Variants in ACSS3 observed in about 807,000 individuals in gnomAD.
ACSS3 encodes the protein acyl-CoA synthetase short chain family member 3.
ACSS3 carries 64 observed loss-of-function variants against 84.2 expected under a neutral mutation model. The observed-to-expected ratio is 0.76, with a 90% CI of 0.62 to 0.94. ACSS3 has a LOEUF of 0.94. Ranked by LOEUF, ACSS3 falls within the 40% of genes least tolerant of loss-of-function variation. The probability of loss-of-function intolerance (pLI) is 0.00; values close to 1 mark genes in which losing one functional copy is unlikely to be tolerated. For synonymous variants in ACSS3, 317 were observed against 310.1 expected, an observed-to-expected ratio of 1.02 and a Z score of -0.23; for missense variants, 815 against 867.6, an observed-to-expected ratio of 0.94 and a Z score of 0.76.
Position 81,255,140 on chromosome 12 carries a change from CA to C in ACSS3, c.*219del, listed in dbSNP as rs2034260882. 2.4e-6 allele frequency: 1 copy of C among 412,244 alleles called. No individual in the cohort carries two copies. Among genetic ancestry groups the C allele is most frequent in the African/African-American group, 2.1e-5 (1 of 48,288 alleles). The allele number at this position is 412,244 out of a possible 1,614,324, so 25.5% of individuals were successfully genotyped here. ...TAGCATTGTTATTAGTTATCTATAA[CA>C]TGGCTTATTGAATGTCATCTACTGC... is the stretch of plus-strand genomic sequence containing the variant. On this transcript the variant is annotated 3_prime_UTR_variant, in exon 16 of 16. Transcript: ENST00000548058.
chr12:81,217,896 A>G (rs2135944731), intron 10 of ACSS3, among the ~76,000 whole-genome samples: 1 of 152,276 alleles, frequency 6.6e-6, no homozygotes, highest in South Asian at 2.1e-4. Flanking sequence ...GGATCCCAAA[A>G]GAAAACATTT....
chr12:81,177,915 A>G (rs1217703980), intron 8 of ACSS3, among the ~76,000 whole-genome samples: 1 of 152,240 alleles, frequency 6.6e-6, no homozygotes, highest in Non-Finnish European at 1.5e-5. Context: ...GCGATTCCTC[A>G]GGGATCTAGA....
intron 13 of ACSS3, among the ~76,000 whole-genome samples, chr12:81,252,382 G>A (rs1482397659): frequency 2.6e-5 from 4 of 152,064 alleles, no homozygotes; most frequent in Non-Finnish European, 4.4e-5. Flanking sequence ...CCCAGCGAAT[G>A]TTTGCAACAC....
intron 15 of ACSS3, among the ~76,000 whole-genome samples, chr12:81,254,079 T>G (rs2034233510): frequency 6.6e-6 from 1 of 152,038 alleles, no homozygotes; most frequent in Non-Finnish European, 1.5e-5. Context: ...TGCATGCAAC[T>G]GTGCCTGGCT....
At chr12:81,193,378 C>T (rs1284285596) in intron 8 of ACSS3, among the ~76,000 whole-genome samples, 1 of 151,940 alleles carries the variant, frequency 6.6e-6, no homozygotes, top group African/African-American at 2.4e-5. Context: ...GAAAATTCTT[C>T]ATCAGATTTG....
chr12:81,173,341 TTAGAC>T (rs1182129513), intron 7 of ACSS3, among the ~76,000 whole-genome samples: 1 of 152,174 alleles, frequency 6.6e-6, no homozygotes, highest in Non-Finnish European at 1.5e-5. Flanking sequence ...AAATAGTGCT[TTAGAC>T]TAAACAGTTG....
chr12:81,153,048 T>TA (rs11459841), intron 7 of ACSS3, among the ~76,000 whole-genome samples: 30,022 of 151,832 alleles, frequency 0.2, 3,342 homozygotes, highest in East Asian at 0.41. Context: ...ATTGAGATGA[T>TA]AAAAAAAATC....
intron 2 of ACSS3, among the ~76,000 whole-genome samples, chr12:81,134,223 G>T (rs999995060): frequency 3.9e-5 from 6 of 152,118 alleles, no homozygotes; most frequent in African/African-American, 1.4e-4. Flanking sequence ...TACAGCATTT[G>T]CTAGTTCTCT....
At chr12:81,096,148 G>A (rs998829557) in intron 1 of ACSS3, among the ~76,000 whole-genome samples, 15 of 152,242 alleles carry the variant, frequency 9.9e-5, no homozygotes, top group Middle Eastern at 6.8e-3. Context: ...CTGTTTCTGT[G>A]CAACAGTAGT....
chr12:81,101,257 G>A (rs932773628), intron 1 of ACSS3, among the ~76,000 whole-genome samples: 1 of 151,918 alleles, frequency 6.6e-6, no homozygotes, highest in Non-Finnish European at 1.5e-5. Flanking sequence ...GACTATTAAG[G>A]TAATGAGTCA....
intron 3 of ACSS3, among the ~76,000 whole-genome samples, chr12:81,137,321 TCACACACACACACACA>T (rs57701806): frequency 9.2e-5 from 13 of 141,818 alleles, no homozygotes; most frequent in South Asian, 2.3e-4. Flanking sequence ...TTTTCATCCA[TCACACACACACACACA>T]CACACACACA....
intron 13 of ACSS3, among the ~76,000 whole-genome samples, chr12:81,238,482 G>A (rs1288682678): frequency 1.3e-5 from 2 of 151,704 alleles, no homozygotes; most frequent in South Asian, 2.1e-4. Context: ...ATTCACCAAC[G>A]AACCTATCTT....
intron 1 of ACSS3, among the ~76,000 whole-genome samples, chr12:81,103,335 G>A (rs1354202403): frequency 6.6e-6 from 1 of 152,022 alleles, no homozygotes; most frequent in Non-Finnish European, 1.5e-5. Flanking sequence ...TTATAATCTG[G>A]GGAGACAAAC....
At chr12:81,197,211 A>G (rs952812210) in intron 8 of ACSS3, among the ~76,000 whole-genome samples, 1 of 152,186 alleles carries the variant, frequency 6.6e-6, no homozygotes, top group African/African-American at 2.4e-5. Context: ...ATTGCACTTC[A>G]CATATAGACA....
intron 9 of ACSS3, among the ~76,000 whole-genome samples, chr12:81,214,003 CTTTCATCT>C (rs1423972024): frequency 1.1e-5 from 1 of 90,530 alleles, no homozygotes; most frequent in African/African-American, 4.3e-5. Context: ...TTCTTTCTTT[CTTTCATCT>C]GTCTGTCTGT....
At chr12:81,231,720 G>A (rs1452550006) in intron 12 of ACSS3, among the ~76,000 whole-genome samples, 1 of 151,740 alleles carries the variant, frequency 6.6e-6, no homozygotes, top group East Asian at 1.9e-4. Flanking sequence ...ATAACAAAAA[G>A]TGCCTTCCTG....
intron 5 of ACSS3, 53 bp from the exon 6 acceptor site, chr12:81,151,791 G>A: frequency 6.7e-7 from 1 of 1,488,254 alleles, no homozygotes. Context: ...TGAAGATAGA[G>A]AGTGTTTTTA....
intron 7 of ACSS3, among the ~76,000 whole-genome samples, chr12:81,164,700 A>T (rs1887318402): frequency 6.6e-6 from 1 of 152,210 alleles, no homozygotes; most frequent in African/African-American, 2.4e-5. Context: ...CCTTCTGAAT[A>T]CTTAACTCCT....
At position 81,244,204 on chromosome 12, in the gene ACSS3, C is replaced by A. The variant is rs140922566; in HGVS notation, c.1720-9103C>A. The stretch of plus-strand genomic sequence containing the variant: ...CCACTCTCTTCTTGTTTACATGGTT[C>A]CTAAGGATAAGTCACATGTGATTCT... On this transcript the variant is annotated intron_variant, in intron 13 of 15. Coordinates refer to ENST00000548058, the MANE Select transcript of ACSS3 (RefSeq NM_024560.4). Among the ~76,000 whole-genome samples the A allele has an allele frequency of 6.2e-3, 938 of 152,176 alleles. 6 individuals carry two copies. The highest frequency in any genetic ancestry group is 7.8e-3 in the Non-Finnish European group (529 of 67,990).
Sources: allele counts gnomAD v4.1 joint callset (sites outside exome capture counted in the v4.1 genomes callset), GRCh38; gene constraint gnomAD v4.1.1; transcripts MANE v1.5; gene names NCBI Gene and HGNC (gene_info 2026-07-23, HGNC 2026-07-21).